LSM6: variants seen among roughly 807,000 people sequenced by gnomAD.
LSM6 encodes U6 snRNA-associated Sm-like protein LSm6.
Under a neutral mutation model 13.5 loss-of-function variants are expected in LSM6, and 2 were observed. That is an observed-to-expected ratio of 0.15 (90% CI 0.06 to 0.47). The LOEUF is 0.47. Ranked by LOEUF, LSM6 falls within the 20% of genes least tolerant of loss-of-function variation. The pLI, the probability that LSM6 is intolerant of heterozygous loss-of-function variation, is 0.97. For missense variants in LSM6, 58 were observed against 96.4 expected, an observed-to-expected ratio of 0.60 and a Z score of 1.67; for synonymous variants, 43 against 34.9, an observed-to-expected ratio of 1.23 and a Z score of -0.82.
In LSM6 at chr4:146,190,969, G is replaced by T. The variant is rs1201993256; in HGVS notation, c.*1313G>T. ...AGAGGTGTATGTAGTGTTTTGTCTT[G>T]GTTTATTTTAAAGATCAGAGAGTAA... is the stretch of plus-strand genomic sequence containing the variant. On this transcript the variant is annotated 3_prime_UTR_variant, in exon 4 of 4. Transcript: ENST00000296581. The T allele has an allele frequency of 6.6e-6, 1 of 151,898 alleles. No homozygotes were observed. The highest frequency in any genetic ancestry group is 1.5e-5 in the Non-Finnish European group (1 of 67,954). The allele number at this position is 151,898 out of a possible 1,614,324, so 9.4% of individuals were successfully genotyped here.
At chr4:146,177,626 TTTTATTTTTA>T (rs201967923) in intron 1 of LSM6, among the ~76,000 whole-genome samples, 3,278 of 152,140 alleles carry the variant, frequency 0.022, 47 homozygotes, top group Middle Eastern at 0.051. Flanking sequence ...GAACAATTTT[TTTTATTTTTA>T]TTTATTTTTA....
rs996915537 is a variant in LSM6, at chr4:146,175,758, G to C, written c.-64G>C. ...TTCGGTTTTGGCTGGGATCATCCGCGGCGGCCGGGCTCGTGGGGCGCCTGG... is the reference window on the plus strand; with the variant it reads ...TTCGGTTTTGGCTGGGATCATCCGCCGCGGCCGGGCTCGTGGGGCGCCTGG... On this transcript the variant is annotated 5_prime_UTR_variant, in exon 1 of 4. Transcript: ENST00000296581. The C allele has an allele frequency of 1.3e-5, 2 of 152,342 alleles. No individual in the cohort carries two copies. The highest frequency in any genetic ancestry group is 4.8e-5 in the African/African-American group (2 of 41,468). 9.4% of individuals were successfully genotyped at this position (152,342 alleles called of 1,614,324 possible).
rs1006853860 is a variant in LSM6, at chr4:146,189,725, T to G, written c.*69T>G. On this transcript the variant is annotated 3_prime_UTR_variant, in exon 4 of 4. Coordinates refer to ENST00000296581, the MANE Select transcript of LSM6 (RefSeq NM_007080.3). ...TTATGAATTTTTTCTAATTTTTGCT[T>G]CTTTTGTGATACAATTTGTCCTCTT... The G allele has an allele frequency of 5.1e-5, 59 of 1,152,272 alleles. No homozygotes were observed. The highest frequency in any genetic ancestry group is 7.2e-5 in the Non-Finnish European group (57 of 793,592). 71.4% of individuals were successfully genotyped at this position (1,152,272 alleles called of 1,614,324 possible).
intron 2 of LSM6, chr4:146,183,280 C>A: frequency 3.0e-6 from 1 of 328,506 alleles, no homozygotes; most frequent in Non-Finnish European, 5.8e-6. Flanking sequence ...GCCTAAATTC[C>A]CTGGTAATAG....
rs1470866406 is a variant in LSM6 at position 146,191,236 on chromosome 4, ATTTGT to A, written c.*1586_*1590del. 6.6e-6 allele frequency: 1 copy of A among 152,182 alleles called. No homozygotes were observed. Among genetic ancestry groups the A allele is most frequent in the Non-Finnish European group, 1.5e-5 (1 of 68,026 alleles). The allele number at this position is 152,182 out of a possible 1,614,324, so 9.4% of individuals were successfully genotyped here. ...CTCCAAGTGGAGCATACATGTTCTC[ATTTGT>A]TTTGTAGAATATGTGGGGCTGCAGG... On this transcript the variant is annotated 3_prime_UTR_variant, in exon 4 of 4. Coordinates refer to ENST00000296581, the MANE Select transcript of LSM6 (RefSeq NM_007080.3).
chr4:146,187,545 T>C (rs138157580), intron 3 of LSM6, 158 bp downstream of exon 3: 160 of 549,764 alleles, frequency 2.9e-4, no homozygotes, highest in African/African-American at 2.8e-3. Context: ...CCAGTTATTT[T>C]GTAGATGCTT....
At chr4:146,186,334 G>T (rs1431871679) in intron 2 of LSM6, among the ~76,000 whole-genome samples, 1 of 152,126 alleles carries the variant, frequency 6.6e-6, no homozygotes, top group Non-Finnish European at 1.5e-5. Context: ...GGGGGCAGAG[G>T]CAGAGAGTGA....
At chr4:146,178,108 A>G (rs1034126884) in intron 1 of LSM6, among the ~76,000 whole-genome samples, 3 of 152,204 alleles carry the variant, frequency 2.0e-5, no homozygotes, top group African/African-American at 7.2e-5. Context: ...GCATGATCCT[A>G]CTGGTCACTG....
At chr4:146,185,662 CTTGT>C (rs140691955) in intron 2 of LSM6, among the ~76,000 whole-genome samples, 7,303 of 151,054 alleles carry the variant, frequency 0.048, 239 homozygotes, top group Non-Finnish European at 0.079. Flanking sequence ...GTTGTTGTTG[CTTGT>C]TTGTTTGTTT....
At chr4:146,179,244 AG>A (rs761536335) in intron 1 of LSM6, among the ~76,000 whole-genome samples, 15 of 152,216 alleles carry the variant, frequency 9.9e-5, no homozygotes, top group Non-Finnish European at 1.9e-4. Context: ...CCCTGAAGAA[AG>A]GTCTTTTTCC....
intron 1 of LSM6, among the ~76,000 whole-genome samples, chr4:146,178,053 G>T (rs1027752227): frequency 3.3e-5 from 5 of 152,200 alleles, no homozygotes; most frequent in African/African-American, 1.2e-4. Flanking sequence ...TCAGTTTTTG[G>T]TGCTCATAAT....
chr4:146,188,379 C>T (rs920859407), intron 3 of LSM6, among the ~76,000 whole-genome samples: 11 of 151,842 alleles, frequency 7.2e-5, no homozygotes, highest in South Asian at 6.3e-4. Context: ...GATCCTTTAA[C>T]GTGCACACTA....
chr4:146,186,091 G>A (rs1001942025), intron 2 of LSM6, among the ~76,000 whole-genome samples: 7 of 152,098 alleles, frequency 4.6e-5, no homozygotes, highest in Non-Finnish European at 8.8e-5. Context: ...TTTGCATATT[G>A]TGCCTCAGAT....
rs1730367654 is a variant in LSM6 at position 146,187,156 on chromosome 4, T to C, written c.95-118T>C. 1.3e-5 allele frequency: 8 copies of C among 595,912 alleles called. No homozygotes were observed. The Admixed American group carries it at 2.1e-4, about 15-fold the overall frequency. 36.9% of individuals were successfully genotyped at this position (595,912 alleles called of 1,614,324 possible). ...TTGAGTTTCATTTATGGTGTGAATTTTTATATTAAGCATCTAAGAACTAAT... is the reference window on the plus strand; with the variant it reads ...TTGAGTTTCATTTATGGTGTGAATTCTTATATTAAGCATCTAAGAACTAAT... On this transcript the variant is annotated intron_variant, in intron 2 of 3. Transcript: ENST00000296581.
chr4:146,185,268 A>G (rs992587554), intron 2 of LSM6, among the ~76,000 whole-genome samples: 1 of 152,070 alleles, frequency 6.6e-6, no homozygotes, highest in African/African-American at 2.4e-5. Context: ...GCTTTTTTTC[A>G]TCTTTTCCAA....
In LSM6 at chr4:146,184,673, A is replaced by G. The variant is rs78460599; in HGVS notation, c.94+1658A>G. Among the ~76,000 whole-genome samples the G allele has an allele frequency of 6.7e-3, 1,023 of 152,234 alleles. 53 individuals carry two copies. Among genetic ancestry groups the G allele is most frequent in the Admixed American group, 0.061 (932 of 15,294 alleles). On this transcript the variant is annotated intron_variant, in intron 2 of 3. Transcript: ENST00000296581. ...GATTAAAGTGAGGACATTGTGTTCA[A>G]TGTCTTCTCAGTACCCACTTTATTG...
At position 146,189,890 on chromosome 4, in the gene LSM6, A is replaced by G. The variant is rs1196235423; in HGVS notation, c.*234A>G. ...CGTTGTCAGTGTACAGAATGCTAAA[A>G]TAATTAAAAAAAGACAAAATATACC... is the stretch of plus-strand genomic sequence containing the variant. On this transcript the variant is annotated 3_prime_UTR_variant, in exon 4 of 4. Coordinates refer to ENST00000296581, the MANE Select transcript of LSM6 (RefSeq NM_007080.3). 1 of 413,210 alleles carries G rather than the reference A, an allele frequency of 2.4e-6. No homozygotes were observed. Among genetic ancestry groups the G allele is most frequent in the African/African-American group, 2.1e-5 (1 of 48,220 alleles). 25.6% of individuals were successfully genotyped at this position (413,210 alleles called of 1,614,324 possible). A position where few individuals can be genotyped will look rare whatever the true frequency, so the allele number is the denominator to read the frequency against.
rs888495807 is a variant in LSM6 at position 146,190,452 on chromosome 4, G to T, written c.*796G>T. On this transcript the variant is annotated 3_prime_UTR_variant, in exon 4 of 4. Coordinates refer to ENST00000296581, the MANE Select transcript of LSM6 (RefSeq NM_007080.3). ...GTACATCTCTCACAGTCAGATTAAA[G>T]CAAAGCCTAGAGTTTGTAAACATAA... The T allele has an allele frequency of 6.6e-6, 1 of 152,242 alleles. No homozygotes were observed. Among genetic ancestry groups the T allele is most frequent in the Non-Finnish European group, 1.5e-5 (1 of 68,050 alleles). 9.4% of individuals were successfully genotyped at this position (152,242 alleles called of 1,614,324 possible).
chr4:146,179,983 G>T (rs964896715), intron 1 of LSM6, among the ~76,000 whole-genome samples: 2 of 152,218 alleles, frequency 1.3e-5, no homozygotes, highest in Non-Finnish European at 2.9e-5. Context: ...TGTGCTCCCT[G>T]TGAATGTGGC....
Sources: allele counts gnomAD v4.1 joint callset (sites outside exome capture counted in the v4.1 genomes callset), GRCh38; gene constraint gnomAD v4.1.1; transcripts MANE v1.5; gene names NCBI Gene and HGNC (gene_info 2026-07-23, HGNC 2026-07-21).